GAS2L3: variants seen among roughly 807,000 people sequenced by gnomAD.
GAS2L3 encodes GAS2-like protein 3.
A neutral mutation model predicts 37.0 loss-of-function variants in GAS2L3; 28 were observed. The observed-to-expected ratio is 0.76, with a 90% CI of 0.56 to 1.04. The LOEUF (loss-of-function observed/expected upper bound fraction) is 1.04, where lower values mean the gene tolerates loss of function less well. Among genes scored for constraint, GAS2L3 ranks in the 50% least tolerant of loss-of-function variants. GAS2L3 has a pLI of 0.00. For synonymous variants in GAS2L3, 290 were observed against 296.6 expected, an observed-to-expected ratio of 0.98 and a Z score of 0.23; for missense variants, 793 against 817.6, an observed-to-expected ratio of 0.97 and a Z score of 0.37.
At chr12:100,578,864 T>A (rs568575244) in intron 1 of GAS2L3, 2 of 758,590 alleles carry the variant, frequency 2.6e-6, no homozygotes, top group East Asian at 5.1e-5. Flanking sequence ...GGCATCTGAC[T>A]TTTTCTACCC....
At position 100,627,614 on chromosome 12, in the gene GAS2L3, A is replaced by G. The variant is rs574397852; in HGVS notation, c.*2724A>G. 46 of 152,344 alleles carry G rather than the reference A, an allele frequency of 3.0e-4. No homozygotes were observed. The highest frequency in any genetic ancestry group is 1.1e-3 in the African/African-American group (46 of 41,586). The allele number at this position is 152,344 out of a possible 1,614,324, so 9.4% of individuals were successfully genotyped here. ...TTGAATAAACAATATCCGAAAGACA[A>G]TTAGTTTCTTCAGATGTATTTTGAA... On this transcript the variant is annotated 3_prime_UTR_variant, in exon 10 of 10. Transcript: ENST00000547754.
chr12:100,578,305 AT>A (rs984755569), intron 1 of GAS2L3, among the ~76,000 whole-genome samples: 6 of 152,166 alleles, frequency 3.9e-5, no homozygotes, highest in Non-Finnish European at 8.8e-5. Flanking sequence ...AACTTAGTGA[AT>A]TTTAATGGTG....
chr12:100,612,322 C>A lies in GAS2L3; in HGVS notation c.445+181C>A, dbSNP rs1275674636. Reference sequence around the variant, plus strand: ...TCAGATACTAAATCAAATATATTAACCTTTTCACTTAAAGATTTTATGTGT... The same window carrying A: ...TCAGATACTAAATCAAATATATTAAACTTTTCACTTAAAGATTTTATGTGT... On this transcript the variant is annotated intron_variant, in intron 6 of 9. Transcript: ENST00000547754. 3 of 566,082 alleles carry A rather than the reference C, an allele frequency of 5.3e-6. No homozygotes were observed. The African/African-American group carries it at 5.8e-5, about 11-fold the overall frequency. 35.1% of individuals were successfully genotyped at this position (566,082 alleles called of 1,614,324 possible). A position where few individuals can be genotyped will look rare whatever the true frequency, so the allele number is the denominator to read the frequency against.
chr12:100,623,687 A>C lies in GAS2L3; in HGVS notation c.882A>C (p.Ala294=), dbSNP rs760545559. Residue 294 remains alanine, a synonymous_variant, in exon 10 of 10, where the codon GCA becomes GCC. Transcript: ENST00000547754. The stretch of plus-strand genomic sequence containing the variant: ...CCACATTAGAACAAAAAATTTTAGC[A>C]TTTCAAAAAGGAGTTTCTAATGAAA... The part of the protein sequence containing the change: ...QFATLEQKIL[A]FQKGVSNESV... 2 of 1,614,088 alleles carry C rather than the reference A, an allele frequency of 1.2e-6. No individual in the cohort carries two copies. Among genetic ancestry groups the C allele is most frequent in the East Asian group, 4.5e-5 (2 of 44,870 alleles).
In GAS2L3 at chr12:100,625,609, T is replaced by G. The variant is rs1191056173; in HGVS notation, c.*719T>G. On this transcript the variant is annotated 3_prime_UTR_variant, in exon 10 of 10. Coordinates refer to ENST00000547754, the MANE Select transcript of GAS2L3 (RefSeq NM_174942.3). ...ATATAAACAAATTTTGTAAACAATTTTTTATATTATCTATAAAAACGTAGA... is the reference window on the plus strand; with the variant it reads ...ATATAAACAAATTTTGTAAACAATTGTTTATATTATCTATAAAAACGTAGA... 6.6e-6 allele frequency: 1 copy of G among 152,210 alleles called. No homozygotes were observed. The highest frequency in any genetic ancestry group is 1.5e-5 in the Non-Finnish European group (1 of 68,028). The allele number at this position is 152,210 out of a possible 1,614,324, so 9.4% of individuals were successfully genotyped here. A position where few individuals can be genotyped will look rare whatever the true frequency, so the allele number is the denominator to read the frequency against.
chr12:100,614,440 G>A (rs1421856102), intron 6 of GAS2L3, among the ~76,000 whole-genome samples: 1 of 151,812 alleles, frequency 6.6e-6, no homozygotes, highest in African/African-American at 2.4e-5. Context: ...TCCAGACTGG[G>A]TGAAAGAGTG....
intron 2 of GAS2L3, among the ~76,000 whole-genome samples, chr12:100,593,436 ATTCT>A (rs2136433006): frequency 6.6e-6 from 1 of 152,284 alleles, no homozygotes; most frequent in Non-Finnish European, 1.5e-5. Context: ...TTGTGCATAA[ATTCT>A]TTATTTCTTT....
At position 100,607,597 on chromosome 12, in the gene GAS2L3, G is replaced by T. The variant is rs890827718; in HGVS notation, c.304-4403G>T. ...TGAGGCTATTTTCTAGATCCTTTAGGTGTGCTTCGTTGTTTTTTATCTTTT... is the reference window on the plus strand; with the variant it reads ...TGAGGCTATTTTCTAGATCCTTTAGTTGTGCTTCGTTGTTTTTTATCTTTT... On this transcript the variant is annotated intron_variant, in intron 5 of 9. Transcript: ENST00000547754. 2.6e-5 allele frequency among the ~76,000 whole-genome samples: 4 copies of T among 151,842 alleles called. 1 individual carries two copies. In the Middle Eastern group the frequency reaches 0.01, roughly 387 times the overall value.
At chr12:100,609,372 G>T (rs1956098477) in intron 5 of GAS2L3, among the ~76,000 whole-genome samples, 1 of 152,156 alleles carries the variant, frequency 6.6e-6, no homozygotes, top group African/African-American at 2.4e-5. Context: ...TTACGCAGCA[G>T]GTGATGAATC....
intron 2 of GAS2L3, chr12:100,593,960 C>T (rs1029053079): frequency 3.3e-5 from 5 of 151,926 alleles, no homozygotes; most frequent in Middle Eastern, 3.2e-3. Flanking sequence ...AGAAATGTTC[C>T]TGAAAGGAAA....
chr12:100,613,650 A>T (rs879505938), intron 6 of GAS2L3, among the ~76,000 whole-genome samples: 1 of 150,878 alleles, frequency 6.6e-6, no homozygotes, highest in African/African-American at 2.4e-5. Flanking sequence ...GCTGGAGTAC[A>T]GTGGCGCGAT....
intron 5 of GAS2L3, among the ~76,000 whole-genome samples, chr12:100,602,697 C>T (rs1956006840): frequency 6.6e-6 from 1 of 152,082 alleles, no homozygotes; most frequent in East Asian, 1.9e-4. Context: ...TTATTATTGA[C>T]TGTAGTCACC....
intron 1 of GAS2L3, among the ~76,000 whole-genome samples, chr12:100,584,666 C>T (rs1398568731): frequency 3.9e-5 from 6 of 152,044 alleles, no homozygotes; most frequent in Non-Finnish European, 2.9e-5. Context: ...CTCCGCATCC[C>T]AGGTTCAAGC....
chr12:100,600,588 A>G (rs1298462287), intron 4 of GAS2L3, 38 bp downstream of exon 4: 21 of 1,474,964 alleles, frequency 1.4e-5, no homozygotes, highest in Non-Finnish European at 1.9e-5. Flanking sequence ...GTATTATCTT[A>G]TTCAATATGC....
chr12:100,584,031 G>A (rs1409568122), intron 1 of GAS2L3, among the ~76,000 whole-genome samples: 1 of 152,134 alleles, frequency 6.6e-6, no homozygotes, highest in Admixed American at 6.5e-5. Context: ...TGTGGAGAAG[G>A]GAGACAATCA....
chr12:100,606,375 G>A (rs1372425529), intron 5 of GAS2L3, among the ~76,000 whole-genome samples: 1 of 151,946 alleles, frequency 6.6e-6, no homozygotes, highest in African/African-American at 2.4e-5. Flanking sequence ...TTCAGTCTAT[G>A]TGTGTCTTCA....
intron 1 of GAS2L3, among the ~76,000 whole-genome samples, chr12:100,582,353 C>CTGCCTATTTTCACTTCTTTTGTGTGTG (rs1955724245): frequency 6.6e-6 from 1 of 152,222 alleles, no homozygotes; most frequent in Non-Finnish European, 1.5e-5. Context: ...AAGGCAGGAA[C>CTGCCTATTTTCACTTCTTTTGTGTGTG]TGCCTATTTT....
At chr12:100,619,075 A>AATTAG (rs1258817424) in intron 8 of GAS2L3, among the ~76,000 whole-genome samples, 5 of 152,014 alleles carry the variant, frequency 3.3e-5, no homozygotes, top group African/African-American at 1.2e-4. Flanking sequence ...AATTGACAGG[A>AATTAG]ATTAGTGAGT....
intron 1 of GAS2L3, 146 bp downstream of exon 1, chr12:100,573,931 G>C (rs1955603152): frequency 6.6e-6 from 1 of 152,320 alleles, no homozygotes; most frequent in Admixed American, 6.5e-5. Context: ...CCGGCTGCGG[G>C]AGCCAGTACG....
Sources: allele counts gnomAD v4.1 joint callset (sites outside exome capture counted in the v4.1 genomes callset), GRCh38; gene constraint gnomAD v4.1.1; transcripts MANE v1.5; gene names NCBI Gene and HGNC (gene_info 2026-07-23, HGNC 2026-07-21).